Variants in SENP5 observed in about 807,000 individuals in gnomAD.
SENP5 encodes the protein sentrin-specific protease 5.
In SENP5, 21 loss-of-function variants were observed where a neutral mutation model predicts 74.2. The observed-to-expected ratio is 0.28, with a 90% CI of 0.20 to 0.41. The LOEUF (loss-of-function observed/expected upper bound fraction) is 0.41. Ranked by LOEUF, SENP5 falls within the 10% of genes least tolerant of loss-of-function variation. The pLI is 1.00. For missense variants in SENP5, 717 were observed against 889.1 expected (o/e 0.81, Z 2.46); for synonymous variants, 311 against 312.7 (o/e 0.99, Z 0.06).
Position 196,911,556 on chromosome 3 carries a change from CAA to C in SENP5, c.1884+7961_1884+7962del, listed in dbSNP as rs148985317. Reference sequence around the variant, plus strand: ...TGGGCGACAGAGTGAGACTTTGTCTCAAAAAAAAAAAAAAAAGGACATTTATG... The same window carrying C: ...TGGGCGACAGAGTGAGACTTTGTCTCAAAAAAAAAAAAAAGGACATTTATG... On this transcript the variant is annotated intron_variant, in intron 6 of 9. Coordinates refer to ENST00000323460, the MANE Select transcript of SENP5 (RefSeq NM_152699.5). Among the ~76,000 whole-genome samples, 142 of 96,896 alleles carry C rather than the reference CAA, an allele frequency of 1.5e-3. 1 individual carries two copies. Among genetic ancestry groups the C allele is most frequent in the Admixed American group, 4.6e-3 (41 of 9,004 alleles). The allele number at this position is 96,896 out of a possible 152,430, so 63.6% of individuals were successfully genotyped here.
intron 3 of SENP5, 67 bp downstream of exon 3, chr3:196,899,838 G>T: frequency 1.3e-6 from 2 of 1,571,330 alleles, no homozygotes; most frequent in South Asian, 1.2e-5. Flanking sequence ...CTTTTCTCTT[G>T]ATTTACAGAA....
At chr3:196,880,753 T>C (rs1713690575) in intron 1 of SENP5, among the ~76,000 whole-genome samples, 1 of 149,840 alleles carries the variant, frequency 6.7e-6, no homozygotes, top group Admixed American at 6.7e-5. Flanking sequence ...GCAATTCTCC[T>C]GCCTCAGTCT....
intron 1 of SENP5, among the ~76,000 whole-genome samples, chr3:196,880,795 C>T (rs1484308369): frequency 6.6e-6 from 1 of 151,780 alleles, no homozygotes; most frequent in Non-Finnish European, 1.5e-5. Flanking sequence ...TATGTGCCAC[C>T]GTGCCCGGCT....
intron 6 of SENP5, chr3:196,914,586 A>AAAAAAAATATATATATATATATATAT: frequency 6.0e-5 from 2 of 33,496 alleles, no homozygotes; most frequent in Non-Finnish European, 1.0e-4. Flanking sequence ...AAAAAAAAAA[A>AAAAAAAATATATATATATATATATAT]ATATATATAT....
chr3:196,904,246 C>T (rs1397376755), intron 6 of SENP5, among the ~76,000 whole-genome samples: 1 of 152,086 alleles, frequency 6.6e-6, no homozygotes, highest in Non-Finnish European at 1.5e-5. Flanking sequence ...GGAAGATGGG[C>T]TAGTTCTTTT....
intron 2 of SENP5, among the ~76,000 whole-genome samples, chr3:196,887,510 T>C (rs1172924531): frequency 6.6e-6 from 1 of 150,484 alleles, no homozygotes; most frequent in Non-Finnish European, 1.5e-5. Context: ...GGATTGTTTC[T>C]GTTTTTTTTT....
chr3:196,930,272 G>T (rs1242541758), intron 9 of SENP5, among the ~76,000 whole-genome samples: 1 of 152,128 alleles, frequency 6.6e-6, no homozygotes, highest in Non-Finnish European at 1.5e-5. Flanking sequence ...CCCATTAAGG[G>T]CCATGATGGG....
chr3:196,903,823 TAAA>T (rs1314642943), intron 6 of SENP5, among the ~76,000 whole-genome samples: 1 of 152,262 alleles, frequency 6.6e-6, no homozygotes, highest in East Asian at 1.9e-4. Context: ...AGTGGGATGA[TAAA>T]GAAGGAGCTG....
At chr3:196,889,330 T>A (rs1714109887) in intron 2 of SENP5, among the ~76,000 whole-genome samples, 1 of 152,132 alleles carries the variant, frequency 6.6e-6, no homozygotes, top group African/African-American at 2.4e-5. Flanking sequence ...CCAGTTAACC[T>A]TTATAGATGT....
rs547795199 is a variant in SENP5 at position 196,904,537 on chromosome 3, CA to C, written c.1884+928del. Among the ~76,000 whole-genome samples, 14 of 152,256 alleles carry C rather than the reference CA, an allele frequency of 9.2e-5. No individual in the cohort carries two copies. In the South Asian group the frequency reaches 2.9e-3, roughly 32 times the overall value. ...GTGCGGTGGCTCACGCCTGTAATCC[CA>C]GCACTTTGGGAGGCTGAGGTGGGCG... On this transcript the variant is annotated intron_variant, in intron 6 of 9. Coordinates refer to ENST00000323460, the MANE Select transcript of SENP5 (RefSeq NM_152699.5).
intron 6 of SENP5, among the ~76,000 whole-genome samples, chr3:196,910,770 A>G (rs1030824753): frequency 2.2e-4 from 33 of 152,194 alleles, no homozygotes; most frequent in African/African-American, 7.7e-4. Context: ...AGCCAAGACA[A>G]TCCTAAGCAA....
chr3:196,904,809 A>G (rs992043253), intron 6 of SENP5: 1 of 152,250 alleles, frequency 6.6e-6, no homozygotes, highest in Non-Finnish European at 1.5e-5. Flanking sequence ...TAAATAAAAA[A>G]TAAAAATGAA....
chr3:196,913,350 A>C (rs937596116), intron 6 of SENP5: 1 of 152,054 alleles, frequency 6.6e-6, no homozygotes, highest in African/African-American at 2.4e-5. Flanking sequence ...CAGGTGAATC[A>C]TGGGGTCAGG....
intron 2 of SENP5, among the ~76,000 whole-genome samples, chr3:196,888,237 G>T (rs922324307): frequency 6.6e-6 from 1 of 152,174 alleles, no homozygotes; most frequent in Non-Finnish European, 1.5e-5. Flanking sequence ...TAGTTTGCTA[G>T]CAGCTGTTTA....
rs757232055 is a variant in SENP5, at chr3:196,886,319, C to T, written c.1138C>T (p.His380Tyr). 11 of 1,614,048 alleles carry T rather than the reference C, an allele frequency of 6.8e-6. No homozygotes were observed. Among genetic ancestry groups the T allele is most frequent in the Non-Finnish European group, 9.3e-6 (11 of 1,180,010 alleles). The change falls in exon 2 of 10, where the codon CAT becomes TAT. Residue 380 changes from histidine (H) to tyrosine (Y), a missense_variant. This residue lies in a region of SENP5 where 567 missense variants were observed against 577.4 expected (regional missense o/e 0.98). Transcript: ENST00000323460. ...ELIHDIPLPE[H>Y]RSNTMFISET... Reference sequence around the variant, plus strand: ...GATTCATGACATCCCCTTACCAGAACATCGTTCTAATACCATGTTCATTTC... The same window carrying T: ...GATTCATGACATCCCCTTACCAGAATATCGTTCTAATACCATGTTCATTTC...
intron 1 of SENP5, among the ~76,000 whole-genome samples, chr3:196,876,090 T>C (rs1417006309): frequency 6.6e-6 from 1 of 152,196 alleles, no homozygotes; most frequent in Non-Finnish European, 1.5e-5. Context: ...AAGAAGTTTG[T>C]TTATATAGAA....
chr3:196,923,531 C>A lies in SENP5; in HGVS notation c.2002C>A (p.His668Asn). Reference protein sequence around the residue: ...IISFYDSQGIHFKFCVENIRK... With the variant: ...IISFYDSQGINFKFCVENIRK... ...TTCATTTTATGATTCCCAAGGCATTCATTTTAAGTTTTGTGTAGAGGTAAG... is the reference window on the plus strand; with the variant it reads ...TTCATTTTATGATTCCCAAGGCATTAATTTTAAGTTTTGTGTAGAGGTAAG... Residue 668 changes from histidine (H) to asparagine (N), a missense_variant, in exon 7 of 10, where the codon CAT becomes AAT. His to Asn is a moderately conservative substitution (Grantham distance 68). Around this residue, in one of 4 missense-constraint regions of SENP5, gnomAD observed 85 missense variants for 188.9 expected, o/e 0.45. Transcript: ENST00000323460. 6.2e-7 allele frequency: 1 copy of A among 1,606,760 alleles called. No homozygotes were observed. The highest frequency in any genetic ancestry group is 1.1e-5 in the South Asian group (1 of 89,764).
Position 196,931,163 on chromosome 3 carries a change from TTTA to T in SENP5, c.*246_*248del, listed in dbSNP as rs1407901045. 1 of 461,504 alleles carries T rather than the reference TTTA, an allele frequency of 2.2e-6. No individual in the cohort carries two copies. Among genetic ancestry groups the T allele is most frequent in the Non-Finnish European group, 3.9e-6 (1 of 255,482 alleles). The allele number at this position is 461,504 out of a possible 1,614,324, so 28.6% of individuals were successfully genotyped here. ...TTCTGTGCGTCCCCCATATTTAATA[TTTA>T]TTATTCAAACGCATGCATATAGACA... On this transcript the variant is annotated 3_prime_UTR_variant, in exon 10 of 10. Coordinates refer to ENST00000323460, the MANE Select transcript of SENP5 (RefSeq NM_152699.5).
chr3:196,915,710 G>C (rs187946932), intron 6 of SENP5, among the ~76,000 whole-genome samples: 5 of 152,320 alleles, frequency 3.3e-5, no homozygotes, highest in Admixed American at 6.5e-5. Context: ...ATCATGGAGA[G>C]AGAGACTATT....
Sources: gnomAD v4.1 joint callset for allele counts (sites outside exome capture counted in the v4.1 genomes callset) on GRCh38, gnomAD v4.1.1 for gene constraint, gnomAD v4.1.1 regional missense constraint, MANE v1.5 for transcripts, NCBI Gene and HGNC (gene_info 2026-07-23, HGNC 2026-07-21) for gene names.